The following PPM1H variants were observed in gnomAD, a reference collection of about 807,000 sequenced individuals.
PPM1H encodes the protein protein phosphatase 1H.
PPM1H carries 27 observed loss-of-function variants against 54.9 expected under a neutral mutation model. The observed-to-expected ratio is 0.49, with a 90% CI of 0.36 to 0.68. PPM1H has a LOEUF of 0.68. Among genes scored for constraint, PPM1H ranks in the 30% least tolerant of loss-of-function variants. The probability of loss-of-function intolerance (pLI) is 0.00; values close to 1 mark genes in which losing one functional copy is unlikely to be tolerated. For synonymous variants in PPM1H, 305 were observed against 270.8 expected (o/e 1.13, Z -1.24); for missense variants, 596 against 667.8 (o/e 0.89, Z 1.19).
intron 1 of PPM1H, among the ~76,000 whole-genome samples, chr12:62,902,386 A>T (rs1046241925): frequency 2.2e-4 from 33 of 151,620 alleles, no homozygotes; most frequent in Admixed American, 7.2e-4. Flanking sequence ...TAAAATAAAA[A>T]AATAATAAAA....
intron 4 of PPM1H, among the ~76,000 whole-genome samples, chr12:62,762,986 T>C (rs2076519051): frequency 6.6e-6 from 1 of 151,774 alleles, no homozygotes. Flanking sequence ...AAACTATTTT[T>C]TTTTCCAAAG....
intron 4 of PPM1H, among the ~76,000 whole-genome samples, chr12:62,782,193 T>A (rs1296999207): frequency 6.6e-6 from 1 of 151,992 alleles, no homozygotes; most frequent in East Asian, 1.9e-4. Context: ...CAAAAAGGAG[T>A]TTCAGAAAGG....
intron 6 of PPM1H, among the ~76,000 whole-genome samples, chr12:62,715,176 G>A (rs1040799917): frequency 6.6e-6 from 1 of 152,236 alleles, no homozygotes; most frequent in Non-Finnish European, 1.5e-5. Context: ...TCAGAGGGCT[G>A]CGGGTCGGGA....
At chr12:62,652,626 A>T (rs1498716) in intron 9 of PPM1H, among the ~76,000 whole-genome samples, 61,872 of 151,894 alleles carry the variant, frequency 0.41, 12,818 homozygotes, top group South Asian at 0.52. Context: ...CCCCAACTGG[A>T]TTGGAAGTGT....
intron 5 of PPM1H, among the ~76,000 whole-genome samples, chr12:62,726,096 A>G (rs981049884): frequency 6.6e-6 from 1 of 152,196 alleles, no homozygotes; most frequent in Non-Finnish European, 1.5e-5. Context: ...CCTTGCCACC[A>G]CATTCAATAC....
chr12:62,796,378 A>G (rs147129562), intron 3 of PPM1H, among the ~76,000 whole-genome samples: 2 of 152,264 alleles, frequency 1.3e-5, no homozygotes, highest in African/African-American at 4.8e-5. Context: ...CGCAAGCCCC[A>G]GGTTGGTTTA....
intron 1 of PPM1H, among the ~76,000 whole-genome samples, chr12:62,854,286 T>C (rs757224149): frequency 6.6e-6 from 1 of 152,234 alleles, no homozygotes; most frequent in Non-Finnish European, 1.5e-5. Flanking sequence ...CCACCCCACC[T>C]GCACATAGCC....
At chr12:62,680,830 G>C (rs1436203550) in intron 8 of PPM1H, among the ~76,000 whole-genome samples, 1 of 152,200 alleles carries the variant, frequency 6.6e-6, no homozygotes, top group Non-Finnish European at 1.5e-5. Flanking sequence ...AAGGCATAGA[G>C]GAATTGTGTT....
intron 4 of PPM1H, among the ~76,000 whole-genome samples, chr12:62,770,619 A>G (rs1291165926): frequency 6.6e-6 from 1 of 152,090 alleles, no homozygotes; most frequent in Non-Finnish European, 1.5e-5. Flanking sequence ...TGTGTCTTTG[A>G]AATGCTGGTG....
chr12:62,769,387 G>A (rs534066500), intron 4 of PPM1H, among the ~76,000 whole-genome samples: 87 of 152,328 alleles, frequency 5.7e-4, no homozygotes, highest in African/African-American at 2.1e-3. Context: ...GGTGGCCTGC[G>A]TGTGAGCAAC....
chr12:62,704,370 A>C (rs2076161638), intron 6 of PPM1H, among the ~76,000 whole-genome samples: 1 of 152,118 alleles, frequency 6.6e-6, no homozygotes, highest in African/African-American at 2.4e-5. Context: ...AGTATGTATA[A>C]ATCTAGTTTT....
At chr12:62,837,515 G>T (rs1248615907) in intron 1 of PPM1H, among the ~76,000 whole-genome samples, 1 of 152,210 alleles carries the variant, frequency 6.6e-6, no homozygotes, top group African/African-American at 2.4e-5. Flanking sequence ...CCCACCATGA[G>T]GCATTCAGCA....
At chr12:62,847,693 A>G (rs993497370) in intron 1 of PPM1H, among the ~76,000 whole-genome samples, 1 of 152,184 alleles carries the variant, frequency 6.6e-6, no homozygotes, top group African/African-American at 2.4e-5. Flanking sequence ...GGCATATTTA[A>G]TCTTCTGAAT....
intron 4 of PPM1H, among the ~76,000 whole-genome samples, chr12:62,747,833 T>A (rs939918612): frequency 6.6e-6 from 1 of 152,254 alleles, no homozygotes; most frequent in African/African-American, 2.4e-5. Flanking sequence ...TTTGCCCATG[T>A]GGCAGAACCC....
intron 4 of PPM1H, among the ~76,000 whole-genome samples, chr12:62,770,938 G>C (rs1036275873): frequency 6.6e-6 from 1 of 152,072 alleles, no homozygotes; most frequent in African/African-American, 2.4e-5. Context: ...CAGAGGGTCA[G>C]GGCAGGCTCC....
At chr12:62,832,901 A>C (rs946574318) in intron 1 of PPM1H, among the ~76,000 whole-genome samples, 1 of 152,138 alleles carries the variant, frequency 6.6e-6, no homozygotes, top group Non-Finnish European at 1.5e-5. Context: ...GGCTATAGGC[A>C]CTCTGATTTG....
intron 4 of PPM1H, among the ~76,000 whole-genome samples, chr12:62,771,045 G>GACACACACACAC (rs71086630): frequency 0.013 from 1,625 of 129,468 alleles, 13 homozygotes; most frequent in South Asian, 0.017. Context: ...AAAAGAAAAA[G>GACACACACACAC]ACACACACAC....
At chr12:62,716,563 G>T (rs1403714632) in intron 6 of PPM1H, among the ~76,000 whole-genome samples, 1 of 152,180 alleles carries the variant, frequency 6.6e-6, no homozygotes, top group Non-Finnish European at 1.5e-5. Flanking sequence ...TCAGAAGAAT[G>T]GGTTCCAGGC....
intron 1 of PPM1H, among the ~76,000 whole-genome samples, chr12:62,899,576 T>C (rs1470049920): frequency 6.6e-6 from 1 of 152,248 alleles, no homozygotes; most frequent in Non-Finnish European, 1.5e-5. Flanking sequence ...TGTGCATAGT[T>C]ATTAAAGAGC....
Sources: allele counts gnomAD v4.1 joint callset (sites outside exome capture counted in the v4.1 genomes callset), GRCh38; gene constraint gnomAD v4.1.1; transcripts MANE v1.5; gene names NCBI Gene and HGNC (gene_info 2026-07-23, HGNC 2026-07-21).